TTC27: variants seen among roughly 807,000 people sequenced by gnomAD.
The protein encoded by TTC27 is tetratricopeptide repeat domain 27.
Under a neutral mutation model 115.9 loss-of-function variants are expected in TTC27, and 79 were observed. The observed-to-expected ratio is 0.68, with a 90% CI of 0.57 to 0.82. TTC27 has a LOEUF of 0.82. TTC27 is among the 40% of genes least tolerant of loss of function. The pLI, the probability that TTC27 is intolerant of heterozygous loss-of-function variation, is 0.00. For missense variants in TTC27, 1,054 were observed against 993.1 expected, an observed-to-expected ratio of 1.06 and a Z score of -0.82; for synonymous variants, 401 against 356.0, an observed-to-expected ratio of 1.13 and a Z score of -1.42.
chr2:32,723,888 C>A (rs112738320), intron 10 of TTC27, among the ~76,000 whole-genome samples: 3,574 of 150,778 alleles, frequency 0.024, 77 homozygotes, highest in African/African-American at 0.059. Context: ...CATCCTCAAC[C>A]TCCTGGCCTC....
chr2:32,662,066 T>C (rs1243238204), intron 5 of TTC27, among the ~76,000 whole-genome samples: 2 of 152,172 alleles, frequency 1.3e-5, no homozygotes, highest in Non-Finnish European at 2.9e-5. Context: ...TGATGGATTA[T>C]GTTTATTAAT....
intron 15 of TTC27, among the ~76,000 whole-genome samples, chr2:32,783,454 T>A (rs893821014): frequency 2.0e-5 from 3 of 152,242 alleles, no homozygotes; most frequent in Non-Finnish European, 4.4e-5. Context: ...ATGTGAAATA[T>A]ACGGTGAGAG....
At chr2:32,761,235 CCGTATACCCCACATCTAATCGATCAG>C (rs1669426090) in intron 13 of TTC27, among the ~76,000 whole-genome samples, 1 of 152,124 alleles carries the variant, frequency 6.6e-6, no homozygotes, top group African/African-American at 2.4e-5. Flanking sequence ...TTCCTCTTAC[CCGTATACCCCACATCTAATCGATCAG>C]CAAGTCCTAG....
At chr2:32,761,177 C>G (rs1669423447) in intron 13 of TTC27, among the ~76,000 whole-genome samples, 1 of 152,142 alleles carries the variant, frequency 6.6e-6, no homozygotes, top group African/African-American at 2.4e-5. Flanking sequence ...TATCCTTATC[C>G]TCATCCCTAT....
chr2:32,777,532 G>T (rs547786072), intron 13 of TTC27, among the ~76,000 whole-genome samples: 2 of 152,286 alleles, frequency 1.3e-5, no homozygotes, highest in African/African-American at 4.8e-5. Flanking sequence ...ATGTTCAGTA[G>T]AGATGCAACC....
intron 10 of TTC27, among the ~76,000 whole-genome samples, chr2:32,733,287 A>C (rs543260596): frequency 6.6e-6 from 1 of 152,344 alleles, no homozygotes; most frequent in South Asian, 2.1e-4. Context: ...TGTGGGTTGC[A>C]GCTGCCCACT....
intron 13 of TTC27, among the ~76,000 whole-genome samples, chr2:32,762,789 A>G (rs1036477241): frequency 1.3e-5 from 2 of 152,106 alleles, no homozygotes; most frequent in African/African-American, 2.4e-5. Context: ...TTACAGGCAC[A>G]TGCCACCATG....
intron 16 of TTC27, among the ~76,000 whole-genome samples, chr2:32,794,363 G>C (rs1358837219): frequency 3.3e-5 from 5 of 151,998 alleles, no homozygotes; most frequent in Admixed American, 6.5e-5. Flanking sequence ...GATCAAAAAA[G>C]AAATCACAAG....
At chr2:32,715,621 A>G (rs542729916) in intron 10 of TTC27, among the ~76,000 whole-genome samples, 1 of 152,150 alleles carries the variant, frequency 6.6e-6, no homozygotes. Context: ...CCAAAATACC[A>G]TGTTTGTTAC....
intron 16 of TTC27, among the ~76,000 whole-genome samples, chr2:32,790,412 G>T (rs554994483): frequency 4.4e-4 from 66 of 151,490 alleles, no homozygotes; most frequent in African/African-American, 1.5e-3. Context: ...TTTCTTTCTT[G>T]TTTATCCATT....
At chr2:32,795,613 C>T (rs1670673532) in intron 16 of TTC27, among the ~76,000 whole-genome samples, 1 of 150,678 alleles carries the variant, frequency 6.6e-6, no homozygotes. Context: ...AGTGCAGTGG[C>T]ATGATCTCTG....
chr2:32,696,286 TTTTATTTA>T (rs1373715428), intron 9 of TTC27, among the ~76,000 whole-genome samples: 3 of 151,210 alleles, frequency 2.0e-5, no homozygotes, highest in African/African-American at 7.3e-5. Context: ...TTTTATTTTA[TTTTATTTA>T]TTTTTTATTT....
rs539250418 is a variant in TTC27, at chr2:32,653,448, G to C, written c.640+3215G>C. ...GTCTCTACTAAAAACATAAAAATTA[G>C]CCGGACATTGTGGTGTGTGCCTGTA... On this transcript the variant is annotated intron_variant, in intron 5 of 19. Coordinates refer to ENST00000317907, the MANE Select transcript of TTC27 (RefSeq NM_017735.5). Among the ~76,000 whole-genome samples the C allele has an allele frequency of 2.6e-5, 4 of 152,118 alleles. No homozygotes were observed. The East Asian group carries it at 7.7e-4, about 29-fold the overall frequency.
chr2:32,628,187 G>A lies in TTC27; in HGVS notation c.-106G>A. 3 of 1,024,388 alleles carry A rather than the reference G, an allele frequency of 2.9e-6. No individual in the cohort carries two copies. Among genetic ancestry groups the A allele is most frequent in the Non-Finnish European group, 4.4e-6 (3 of 679,580 alleles). 63.5% of individuals were successfully genotyped at this position (1,024,388 alleles called of 1,614,324 possible). ...CGCAGGTGTATTTACGGTAACTGTC[G>A]CCACTAGATTTCAGCGCCTTTGGAC... On this transcript the variant is annotated 5_prime_UTR_variant, in exon 1 of 20. Coordinates refer to ENST00000317907, the MANE Select transcript of TTC27 (RefSeq NM_017735.5).
At chr2:32,813,520 C>G (rs1171447389) in intron 18 of TTC27, among the ~76,000 whole-genome samples, 2 of 152,066 alleles carry the variant, frequency 1.3e-5, no homozygotes, top group Non-Finnish European at 2.9e-5. Flanking sequence ...TAATACCTAC[C>G]CATGAAGAAT....
At chr2:32,735,819 C>T (rs1307433548) in intron 11 of TTC27, among the ~76,000 whole-genome samples, 1 of 151,958 alleles carries the variant, frequency 6.6e-6, no homozygotes, top group Admixed American at 6.6e-5. Context: ...CTAAAATAGC[C>T]AGATTCTCCT....
intron 15 of TTC27, among the ~76,000 whole-genome samples, chr2:32,784,519 G>T (rs938960095): frequency 5.9e-5 from 9 of 152,084 alleles, no homozygotes; most frequent in South Asian, 4.2e-4. Context: ...TGCTCTCTTT[G>T]CTGTTTCAAC....
intron 9 of TTC27, among the ~76,000 whole-genome samples, chr2:32,690,813 C>G (rs978668228): frequency 6.6e-6 from 1 of 152,156 alleles, no homozygotes; most frequent in African/African-American, 2.4e-5. Flanking sequence ...TCATTTGGTA[C>G]TGATTTCAAA....
At position 32,744,402 on chromosome 2, in the gene TTC27, G is replaced by C. The variant is rs1419343729; in HGVS notation, c.1452+7586G>C. Among the ~76,000 whole-genome samples, 4 of 152,038 alleles carry C rather than the reference G, an allele frequency of 2.6e-5. No individual in the cohort carries two copies. The East Asian group carries it at 7.7e-4, about 29-fold the overall frequency. ...TGACCTCACTTTCTTGATTCTTCTT[G>C]GCTAAGTTCTGTAATCATCTATTTA... is the stretch of plus-strand genomic sequence containing the variant. On this transcript the variant is annotated intron_variant, in intron 12 of 19. Transcript: ENST00000317907.
Sources: gnomAD v4.1 joint callset for allele counts (sites outside exome capture counted in the v4.1 genomes callset) on GRCh38, gnomAD v4.1.1 for gene constraint, MANE v1.5 for transcripts, NCBI Gene and HGNC (gene_info 2026-07-23, HGNC 2026-07-21) for gene names.